The following KDM5A variants were observed in gnomAD, a reference collection of about 807,000 sequenced individuals.
KDM5A encodes the protein lysine-specific demethylase 5A.
Under a neutral mutation model 193.5 loss-of-function variants are expected in KDM5A, and 42 were observed. The ratio of observed to expected loss-of-function variants is 0.22; its 90% confidence interval spans 0.17 to 0.28. The LOEUF is 0.28. KDM5A is among the 10% of genes least tolerant of loss of function. The pLI is 1.00. For missense variants in KDM5A, 1,692 were observed against 2,055.1 expected (o/e 0.82, Z 3.42); for synonymous variants, 796 against 718.1 (o/e 1.11, Z -1.73).
Position 389,212 on chromosome 12 carries a change from A to G in KDM5A, c.-121T>C. The G allele has an allele frequency of 1.1e-6, 1 of 930,440 alleles. No homozygotes were observed. The highest frequency in any genetic ancestry group is 1.7e-5 in the Admixed American group (1 of 57,154). The allele number at this position is 930,440 out of a possible 1,614,324, so 57.6% of individuals were successfully genotyped here. On this transcript the variant is annotated 5_prime_UTR_variant, in exon 1 of 28. Transcript: ENST00000399788. ...CCGAAGCGCATCTTCGCGGACAAGAACCGTTCAACACAGAAACCCCAGAAT... is the reference window on the plus strand; with the variant it reads ...CCGAAGCGCATCTTCGCGGACAAGAGCCGTTCAACACAGAAACCCCAGAAT...
chr12:357,003 A>G (rs1322780070), intron 5 of KDM5A, among the ~76,000 whole-genome samples: 2 of 152,232 alleles, frequency 1.3e-5, no homozygotes, highest in African/African-American at 4.8e-5. Flanking sequence ...GCGAATGGCC[A>G]GACACAATGG....
At chr12:369,485 T>C (rs1410423641) in intron 3 of KDM5A, among the ~76,000 whole-genome samples, 1 of 152,084 alleles carries the variant, frequency 6.6e-6, no homozygotes, top group Non-Finnish European at 1.5e-5. Context: ...TATATAAATT[T>C]TGAAGGGATA....
chr12:364,777 C>CT (rs1944334716), intron 4 of KDM5A, among the ~76,000 whole-genome samples: 1 of 69,270 alleles, frequency 1.4e-5, no homozygotes, highest in Non-Finnish European at 3.0e-5. Context: ...GGAGTCTCAT[C>CT]TCAAAAAAAA....
chr12:280,180 T>C lies in KDM5A; in HGVS notation c.*5276A>G, dbSNP rs1943139745. The C allele has an allele frequency of 4.3e-6, 1 of 232,390 alleles. No homozygotes were observed. The allele number at this position is 232,390 out of a possible 1,614,324, so 14.4% of individuals were successfully genotyped here. ...TCTAGTTTATTCACATAATATAGTA[T>C]TTGATTCCATTCTTTTGTACTGTTC... is the stretch of plus-strand genomic sequence containing the variant. On this transcript the variant is annotated 3_prime_UTR_variant, in exon 28 of 28. Coordinates refer to ENST00000399788, the MANE Select transcript of KDM5A (RefSeq NM_001042603.3).
intron 20 of KDM5A, among the ~76,000 whole-genome samples, chr12:311,856 A>G (rs1261088025): frequency 6.6e-6 from 1 of 152,192 alleles, no homozygotes. Flanking sequence ...CAACATGGTG[A>G]AACTCCGGCT....
chr12:323,229 A>AAAAAAAAAAAG lies in KDM5A; in HGVS notation c.2151-34_2151-24dup, dbSNP rs759737281. 11 of 1,495,424 alleles carry AAAAAAAAAAAG rather than the reference A, an allele frequency of 7.4e-6. No homozygotes were observed. The South Asian group carries it at 1.2e-4, about 16-fold the overall frequency. The allele number at this position is 1,495,424 out of a possible 1,614,324, so 92.6% of individuals were successfully genotyped here. On this transcript the variant is annotated intron_variant, in intron 15 of 27. Transcript: ENST00000399788. Reference sequence around the variant, plus strand: ...TATCTACAAAAAAAAAAAAAAAAAAAAAAAAAAAAAGAAAACAGAAATAAA... The same window carrying AAAAAAAAAAAG: ...TATCTACAAAAAAAAAAAAAAAAAAAAAAAAAAAAAGAAAAAAAAAAGAAAACAGAAATAAA...
intron 24 of KDM5A, among the ~76,000 whole-genome samples, chr12:304,462 TTTTTC>T (rs1314522044): frequency 6.6e-6 from 1 of 150,622 alleles, no homozygotes; most frequent in Non-Finnish European, 1.5e-5. Context: ...TTTTTTTTTT[TTTTTC>T]ATTCAAAGAT....
At chr12:362,144 A>G (rs1023630704) in intron 5 of KDM5A, among the ~76,000 whole-genome samples, 2 of 152,188 alleles carry the variant, frequency 1.3e-5, no homozygotes, top group Non-Finnish European at 2.9e-5. Flanking sequence ...TTTCCTGTCT[A>G]TCTATATGTT....
At chr12:349,081 C>T (rs563163697) in intron 10 of KDM5A, among the ~76,000 whole-genome samples, 15 of 148,566 alleles carry the variant, frequency 1.0e-4, no homozygotes, top group African/African-American at 3.7e-4. Flanking sequence ...AGTGCAATGG[C>T]GCAATCTCGG....
intron 27 of KDM5A, among the ~76,000 whole-genome samples, chr12:291,098 C>T (rs1478234830): frequency 6.6e-6 from 1 of 151,850 alleles, no homozygotes; most frequent in African/African-American, 2.4e-5. Context: ...ATAATATGCA[C>T]ATATATATTA....
chr12:300,347 T>C (rs1446582118), intron 24 of KDM5A, among the ~76,000 whole-genome samples: 1 of 152,112 alleles, frequency 6.6e-6, no homozygotes. Context: ...CAGACCACAG[T>C]GCAATCATAT....
At chr12:348,887 C>A (rs1392228785) in intron 10 of KDM5A, among the ~76,000 whole-genome samples, 1 of 150,114 alleles carries the variant, frequency 6.7e-6, no homozygotes, top group African/African-American at 2.5e-5. Context: ...TGCACATGTA[C>A]CCTAGAACTT....
chr12:312,681 G>A (rs1943603316), intron 20 of KDM5A, among the ~76,000 whole-genome samples: 1 of 152,136 alleles, frequency 6.6e-6, no homozygotes, highest in South Asian at 2.1e-4. Context: ...TGAAAATATT[G>A]TAATTTGAAA....
chr12:384,237 G>GGGTACTGGTCCACATCC, intron 2 of KDM5A, 84 bp from the exon 3 acceptor site: 1 of 996,234 alleles, frequency 1.0e-6, no homozygotes, highest in Non-Finnish European at 1.6e-6. Flanking sequence ...ACCCCAGGAT[G>GGGTACTGGTCCACATCC]TGGACCAGTA....
chr12:374,099 G>T (rs1944469007), intron 3 of KDM5A, among the ~76,000 whole-genome samples: 1 of 152,300 alleles, frequency 6.6e-6, no homozygotes, highest in Non-Finnish European at 1.5e-5. Flanking sequence ...TATTAGATCT[G>T]CTTGGTGCAG....
At chr12:381,032 T>C (rs978285194) in intron 3 of KDM5A, among the ~76,000 whole-genome samples, 3 of 152,086 alleles carry the variant, frequency 2.0e-5, no homozygotes, top group Non-Finnish European at 2.9e-5. Context: ...GCCGCTCTTA[T>C]TGCCCAGGCT....
At chr12:383,938 C>A in intron 3 of KDM5A, 93 bp downstream of exon 3, 1 of 1,330,972 alleles carries the variant, frequency 7.5e-7, no homozygotes, top group Non-Finnish European at 1.1e-6. Flanking sequence ...TCAAACAAAT[C>A]CTCTATTGGA....
At position 285,264 on chromosome 12, in the gene KDM5A, T is replaced by C. The variant is rs1943205673; in HGVS notation, c.*192A>G. On this transcript the variant is annotated 3_prime_UTR_variant, in exon 28 of 28. Transcript: ENST00000399788. ...CTGTTGTACCAAAGAAGACACCCTCTGCATAGATATGTTGATAGAGAATGT... is the reference window on the plus strand; with the variant it reads ...CTGTTGTACCAAAGAAGACACCCTCCGCATAGATATGTTGATAGAGAATGT... 6.6e-6 allele frequency: 4 copies of C among 609,204 alleles called. No homozygotes were observed. Among genetic ancestry groups the C allele is most frequent in the Middle Eastern group, 4.4e-4 (1 of 2,268 alleles). 37.7% of individuals were successfully genotyped at this position (609,204 alleles called of 1,614,324 possible).
chr12:383,536 C>CA (rs377051426), intron 3 of KDM5A, among the ~76,000 whole-genome samples: 289 of 149,538 alleles, frequency 1.9e-3, no homozygotes, highest in Non-Finnish European at 3.5e-3. Context: ...AATTAAGTAA[C>CA]AAAAAAAAAG....
Sources: allele counts gnomAD v4.1 joint callset (sites outside exome capture counted in the v4.1 genomes callset), GRCh38; gene constraint gnomAD v4.1.1; transcripts MANE v1.5; gene names NCBI Gene and HGNC (gene_info 2026-07-23, HGNC 2026-07-21).